STARD13: variants seen among roughly 807,000 people sequenced by gnomAD.
The protein encoded by STARD13 is StAR related lipid transfer domain containing 13.
A neutral mutation model predicts 106.4 loss-of-function variants in STARD13; 62 were observed. The observed-to-expected ratio is 0.58, with a 90% confidence interval of 0.48 to 0.72. The LOEUF (loss-of-function observed/expected upper bound fraction) is 0.72, where lower values mean the gene tolerates loss of function less well. STARD13 is among the 30% of genes least tolerant of loss of function. The pLI, the probability that STARD13 is intolerant of heterozygous loss-of-function variation, is 0.00. For synonymous variants in STARD13, 565 were observed against 553.0 expected, an observed-to-expected ratio of 1.02 and a Z score of -0.31; for missense variants, 1,387 against 1,424.0, an observed-to-expected ratio of 0.97 and a Z score of 0.42.
intron 1 of STARD13, among the ~76,000 whole-genome samples, chr13:33,247,682 T>C (rs1259206200): frequency 2.0e-5 from 3 of 152,234 alleles, no homozygotes; most frequent in Admixed American, 6.5e-5. Flanking sequence ...ATATATTAGA[T>C]ATCCCAGTTA....
At chr13:33,621,198 A>G in the STARD13 span, among the ~76,000 whole-genome samples, 1 of 151,974 alleles carries the variant, frequency 6.6e-6, no homozygotes, top group South Asian at 2.1e-4. Context: ...GAAAATAATA[A>G]AATTGGTAAG....
At chr13:33,349,154 CCTT>C (rs1034711943) in exon 2 of STARD13, 4 of 702,258 alleles carry the variant, frequency 5.7e-6, no homozygotes, top group African/African-American at 5.2e-5. Flanking sequence ...AGGCATCAGA[CCTT>C]CTTCTCTAGA....
chr13:33,574,397 G>A, the STARD13 span, among the ~76,000 whole-genome samples: 1 of 152,136 alleles, frequency 6.6e-6, no homozygotes, highest in Admixed American at 6.6e-5. Context: ...TCAGATTATA[G>A]ATACTTTCAA....
the STARD13 span, among the ~76,000 whole-genome samples, chr13:33,630,767 T>C: frequency 0.02 from 3,052 of 152,292 alleles, 109 homozygotes; most frequent in African/African-American, 0.069. Flanking sequence ...TGTACACCTT[T>C]GGTACTGAGA....
the STARD13 span, among the ~76,000 whole-genome samples, chr13:33,652,858 T>G: frequency 6.6e-6 from 1 of 152,060 alleles, no homozygotes; most frequent in African/African-American, 2.4e-5. Context: ...TGATATCTGT[T>G]TCTTAATGAT....
chr13:33,405,916 A>G, the STARD13 span, among the ~76,000 whole-genome samples: 1 of 152,218 alleles, frequency 6.6e-6, no homozygotes, highest in Non-Finnish European at 1.5e-5. Context: ...ACATGTAGAG[A>G]GCACTGCTAT....
At chr13:33,317,752 C>T (rs1374239839) in intron 1 of STARD13, among the ~76,000 whole-genome samples, 1 of 151,896 alleles carries the variant, frequency 6.6e-6, no homozygotes, top group African/African-American at 2.4e-5. Context: ...TATCTGTGTC[C>T]CCAGGACAAA....
the STARD13 span, among the ~76,000 whole-genome samples, chr13:33,510,572 T>C: frequency 6.6e-6 from 1 of 152,192 alleles, no homozygotes. Flanking sequence ...CATCCAGGGA[T>C]GATCACATGA....
At chr13:33,226,110 A>G (rs1444123974) in intron 1 of STARD13, among the ~76,000 whole-genome samples, 1 of 152,244 alleles carries the variant, frequency 6.6e-6, no homozygotes, top group Non-Finnish European at 1.5e-5. Flanking sequence ...AGCCCTCACC[A>G]GAACCCAACC....
intron 4 of STARD13, among the ~76,000 whole-genome samples, chr13:33,136,446 A>C (rs2138203068): frequency 6.6e-6 from 1 of 152,360 alleles, no homozygotes; most frequent in South Asian, 2.1e-4. Flanking sequence ...GCTGAAAGTC[A>C]AGCTACAAAC....
the STARD13 span, among the ~76,000 whole-genome samples, chr13:33,532,658 G>A: frequency 1.5e-3 from 221 of 152,188 alleles, no homozygotes; most frequent in African/African-American, 5.0e-3. Flanking sequence ...TAATATACCT[G>A]GGATACTGTG....
chr13:33,473,351 C>G, the STARD13 span, among the ~76,000 whole-genome samples: 1 of 152,154 alleles, frequency 6.6e-6, no homozygotes, highest in Admixed American at 6.5e-5. Context: ...GTAATTTACA[C>G]AATTTTACAG....
chr13:33,427,245 A>T, the STARD13 span, among the ~76,000 whole-genome samples: 1 of 152,212 alleles, frequency 6.6e-6, no homozygotes, highest in Non-Finnish European at 1.5e-5. Context: ...TAGTTAAGTG[A>T]CAGGGACCTA....
At chr13:33,534,042 C>T in the STARD13 span, among the ~76,000 whole-genome samples, 1 of 152,174 alleles carries the variant, frequency 6.6e-6, no homozygotes, top group Non-Finnish European at 1.5e-5. Context: ...AAGTAACTGA[C>T]AACTGATCAA....
At position 33,215,128 on chromosome 13, in the gene STARD13, G is replaced by C. The variant is rs112041633; in HGVS notation, c.170-47506C>G. Among the ~76,000 whole-genome samples the C allele has an allele frequency of 2.4e-4, 28 of 116,968 alleles. 1 individual carries two copies. The highest frequency in any genetic ancestry group is 4.5e-3 in the Middle Eastern group (1 of 224). 76.7% of individuals were successfully genotyped at this position (116,968 alleles called of 152,430 possible). ...GAATAGAATGAGTACTTGGGGGGGG[G>C]GGTGGGGGGAAATAAGCACCTCTCA... On this transcript the variant is annotated intron_variant, in intron 1 of 13. Transcript: ENST00000336934.
chr13:33,104,205 T>A lies in STARD13; in HGVS notation c.*1388A>T, dbSNP rs1593835781. The A allele has an allele frequency of 1.3e-5, 2 of 152,228 alleles. No homozygotes were observed. The highest frequency in any genetic ancestry group is 3.8e-4 in the East Asian group (2 of 5,204). The allele number at this position is 152,228 out of a possible 1,614,324, so 9.4% of individuals were successfully genotyped here. On this transcript the variant is annotated 3_prime_UTR_variant, in exon 14 of 14. Coordinates refer to ENST00000336934, the MANE Select transcript of STARD13 (RefSeq NM_178006.4). ...AAATCAAACACACAATAAGTTATCT[T>A]TCTCTCTATAGCTGTTGAATTACAA...
At chr13:33,663,327 T>C in the STARD13 span, among the ~76,000 whole-genome samples, 8 of 152,240 alleles carry the variant, frequency 5.3e-5, no homozygotes, top group South Asian at 1.2e-3. Context: ...AAAAATATTA[T>C]GGACAAAAAT....
At chr13:33,266,221 C>T (rs374488037) in intron 1 of STARD13, among the ~76,000 whole-genome samples, 4 of 152,160 alleles carry the variant, frequency 2.6e-5, no homozygotes, top group African/African-American at 4.8e-5. Context: ...TCTGGGTTTT[C>T]GTTTCTTAAT....
chr13:33,310,944 T>C (rs1352226320), intron 1 of STARD13, among the ~76,000 whole-genome samples: 2 of 151,906 alleles, frequency 1.3e-5, no homozygotes, highest in African/African-American at 4.8e-5. Flanking sequence ...TGTAACCCAA[T>C]GGTAAGTATT....
Sources: gnomAD v4.1 joint callset for allele counts (sites outside exome capture counted in the v4.1 genomes callset) on GRCh38, gnomAD v4.1.1 for gene constraint, MANE v1.5 for transcripts, NCBI Gene and HGNC (gene_info 2026-07-23, HGNC 2026-07-21) for gene names.